RASGRP3: variants seen among roughly 807,000 people sequenced by gnomAD.
The protein encoded by RASGRP3 is RAS guanyl releasing protein 3.
In RASGRP3, 54 loss-of-function variants were observed where a neutral mutation model predicts 82.7. The ratio of observed to expected loss-of-function variants is 0.65; its 90% confidence interval spans 0.52 to 0.82. The LOEUF (loss-of-function observed/expected upper bound fraction) is 0.82. Among genes scored for constraint, RASGRP3 ranks in the 40% least tolerant of loss-of-function variants. The pLI, the probability that RASGRP3 is intolerant of heterozygous loss-of-function variation, is 0.00. For missense variants in RASGRP3, 861 were observed against 828.9 expected (o/e 1.04, Z -0.48); for synonymous variants, 309 against 300.5 (o/e 1.03, Z -0.29).
chr2:33,500,113 A>C (rs1026420993), intron 1 of RASGRP3, among the ~76,000 whole-genome samples: 1 of 152,144 alleles, frequency 6.6e-6, no homozygotes, highest in Admixed American at 6.5e-5. Flanking sequence ...AAAAATAAAG[A>C]AACAATGTGT....
Position 33,558,687 on chromosome 2 carries a change from T to C in RASGRP3, c.1721T>C (p.Phe574Ser). Residue 574 changes from phenylalanine (F) to serine (S), a missense_variant, in exon 17 of 18, where the codon TTT becomes TCT. Coordinates refer to ENST00000403687, the MANE Select transcript of RASGRP3 (RefSeq NM_001139488.2). Reference protein sequence around the residue: ...PSLPPAQDEVFEFPGVTAGHR... With the variant: ...PSLPPAQDEVSEFPGVTAGHR... ...TCACTTCCAGCGCAGGATGAGGTGTTTGAGTTCCCTGGAGTCACTGCTGGA... is the reference window on the plus strand; with the variant it reads ...TCACTTCCAGCGCAGGATGAGGTGTCTGAGTTCCCTGGAGTCACTGCTGGA... 1 of 1,601,894 alleles carries C rather than the reference T, an allele frequency of 6.2e-7. No individual in the cohort carries two copies. The highest frequency in any genetic ancestry group is 8.5e-7 in the Non-Finnish European group (1 of 1,174,776).
At chr2:33,548,415 T>C (rs1475934327) in intron 13 of RASGRP3, among the ~76,000 whole-genome samples, 1 of 147,570 alleles carries the variant, frequency 6.8e-6, no homozygotes, top group Non-Finnish European at 1.5e-5. Context: ...CTGTTGGAGA[T>C]GGCAGCAGGA....
intron 13 of RASGRP3, among the ~76,000 whole-genome samples, chr2:33,548,426 C>T (rs1675038561): frequency 6.7e-6 from 1 of 148,556 alleles, no homozygotes; most frequent in African/African-American, 2.5e-5. Flanking sequence ...GGCAGCAGGA[C>T]TGAAGAAGGG....
chr2:33,499,480 C>A lies in RASGRP3; in HGVS notation c.-260-12230C>A, dbSNP rs567838418. Among the ~76,000 whole-genome samples the A allele has an allele frequency of 3.9e-5, 6 of 152,112 alleles. No individual in the cohort carries two copies. The East Asian group carries it at 1.2e-3, about 29-fold the overall frequency. ...AGGTGAGGTGGGAGAATTGCCTGAA[C>A]CCAGGAGGTGGAGGTTGCAGTGTGC... On this transcript the variant is annotated intron_variant, in intron 1 of 17. Coordinates refer to ENST00000403687, the MANE Select transcript of RASGRP3 (RefSeq NM_001139488.2).
chr2:33,441,191 C>A (rs1665207937), intron 1 of RASGRP3, among the ~76,000 whole-genome samples: 1 of 152,182 alleles, frequency 6.6e-6, no homozygotes, highest in Non-Finnish European at 1.5e-5. Flanking sequence ...GGCACCCAGC[C>A]TCCAAACTTG....
intron 14 of RASGRP3, among the ~76,000 whole-genome samples, chr2:33,551,314 A>G (rs1291612919): frequency 6.6e-6 from 1 of 152,088 alleles, no homozygotes; most frequent in Admixed American, 6.5e-5. Context: ...CTCAGTCTCA[A>G]AACAAAACAA....
intron 1 of RASGRP3, among the ~76,000 whole-genome samples, chr2:33,444,523 G>C (rs1665401995): frequency 1.3e-5 from 2 of 152,238 alleles, no homozygotes; most frequent in Non-Finnish European, 2.9e-5. Context: ...TACTGTATAA[G>C]ACAGTGCAAA....
At chr2:33,522,810 G>T (rs1445967437) in intron 7 of RASGRP3, among the ~76,000 whole-genome samples, 1 of 152,156 alleles carries the variant, frequency 6.6e-6, no homozygotes, top group African/African-American at 2.4e-5. Flanking sequence ...ACATTATTGC[G>T]TGCAAAGAAG....
At chr2:33,562,242 T>G (rs1676746374) in intron 17 of RASGRP3, among the ~76,000 whole-genome samples, 1 of 150,470 alleles carries the variant, frequency 6.6e-6, no homozygotes, top group Non-Finnish European at 1.5e-5. Context: ...GTTCATATGC[T>G]GGGTGAACTA....
At position 33,541,118 on chromosome 2, in the gene RASGRP3, A is replaced by G. The variant is rs1674248714; in HGVS notation, c.1278+1908A>G. 1.4e-5 allele frequency among the ~76,000 whole-genome samples: 2 copies of G among 147,330 alleles called. 1 individual carries two copies. The stretch of plus-strand genomic sequence containing the variant: ...TTGTATACATGTGTTTGCAGAAAGA[A>G]CTTACAAATCTTTTTGAAAACCTAA... On this transcript the variant is annotated intron_variant, in intron 12 of 17. Transcript: ENST00000403687.
At chr2:33,488,998 C>T (rs1441070240) in intron 1 of RASGRP3, among the ~76,000 whole-genome samples, 1 of 151,374 alleles carries the variant, frequency 6.6e-6, no homozygotes, top group Non-Finnish European at 1.5e-5. Context: ...TGGCATCAGT[C>T]TATATCAGTG....
intron 1 of RASGRP3, among the ~76,000 whole-genome samples, chr2:33,442,243 A>AG (rs747718663): frequency 5.3e-5 from 8 of 152,246 alleles, no homozygotes; most frequent in Non-Finnish European, 1.0e-4. Context: ...ATGCGCCTGT[A>AG]GTCCCAGCTA....
intron 11 of RASGRP3, among the ~76,000 whole-genome samples, chr2:33,536,053 A>C (rs1673570899): frequency 2.0e-5 from 3 of 152,114 alleles, no homozygotes; most frequent in Admixed American, 2.0e-4. Context: ...CTGTAATCCC[A>C]GCACTTTGGG....
chr2:33,447,316 C>T (rs1665556312), intron 1 of RASGRP3, among the ~76,000 whole-genome samples: 1 of 152,104 alleles, frequency 6.6e-6, no homozygotes, highest in South Asian at 2.1e-4. Flanking sequence ...GGAACACTCT[C>T]TTATTTCTTC....
At chr2:33,521,836 C>T in intron 6 of RASGRP3, 119 bp from the exon 7 acceptor site, 1 of 1,157,168 alleles carries the variant, frequency 8.6e-7, no homozygotes, top group East Asian at 2.4e-5. Flanking sequence ...AAAGACAGGG[C>T]ATGTATTTTG....
chr2:33,553,780 T>C (rs1168571020), intron 14 of RASGRP3, among the ~76,000 whole-genome samples: 1 of 150,516 alleles, frequency 6.6e-6, no homozygotes, highest in Non-Finnish European at 1.5e-5. Flanking sequence ...ATAGAATCTC[T>C]CTCTGTCGCC....
intron 1 of RASGRP3, among the ~76,000 whole-genome samples, chr2:33,446,530 G>T (rs562733618): frequency 1.3e-5 from 2 of 151,124 alleles, no homozygotes; most frequent in African/African-American, 4.9e-5. Flanking sequence ...TGAGATTTCT[G>T]TGAAGTAACA....
At chr2:33,487,230 T>C (rs1668474418) in intron 1 of RASGRP3, among the ~76,000 whole-genome samples, 1 of 152,200 alleles carries the variant, frequency 6.6e-6, no homozygotes, top group Admixed American at 6.5e-5. Flanking sequence ...TTAACTATTA[T>C]TGTAGTTTGT....
intron 2 of RASGRP3, among the ~76,000 whole-genome samples, chr2:33,454,792 A>G (rs1258623846): frequency 6.6e-6 from 1 of 152,242 alleles, no homozygotes; most frequent in African/African-American, 2.4e-5. Context: ...GTTCTCCCTC[A>G]GAAAATATAA....
Sources: allele counts gnomAD v4.1 joint callset (sites outside exome capture counted in the v4.1 genomes callset), GRCh38; gene constraint gnomAD v4.1.1; transcripts MANE v1.5; gene names NCBI Gene and HGNC (gene_info 2026-07-23, HGNC 2026-07-21).